The following PHKB variants were observed in gnomAD, a reference collection of about 807,000 sequenced individuals.
The protein encoded by PHKB is phosphorylase kinase regulatory subunit beta.
PHKB carries 122 observed loss-of-function variants against 152.1 expected under a neutral mutation model. The ratio of observed to expected loss-of-function variants is 0.80; its 90% CI spans 0.69 to 0.93. PHKB has a LOEUF of 0.93. Among genes scored for constraint, PHKB ranks in the 40% least tolerant of loss-of-function variants. PHKB has a pLI of 0.00. For missense variants in PHKB, 1,304 were observed against 1,328.4 expected (o/e 0.98, Z 0.29); for synonymous variants, 436 against 464.9 (o/e 0.94, Z 0.80).
intron 14 of PHKB, among the ~76,000 whole-genome samples, chr16:47,627,939 C>G (rs1490503939): frequency 5.9e-5 from 9 of 152,116 alleles, no homozygotes; most frequent in African/African-American, 2.2e-4. Context: ...AAGCATCTGC[C>G]TGATTTCTTC....
At chr16:47,665,545 A>G in intron 25 of PHKB, 1 of 287,478 alleles carries the variant, frequency 3.5e-6, no homozygotes, top group South Asian at 3.8e-5. Context: ...TAAAGTGGTT[A>G]TAGAAATAGG....
At chr16:47,678,887 G>A (rs918545551) in intron 26 of PHKB, among the ~76,000 whole-genome samples, 9 of 152,042 alleles carry the variant, frequency 5.9e-5, no homozygotes, top group African/African-American at 2.2e-4. Flanking sequence ...TTTCTTCTAG[G>A]GTTTTTATGG....
intron 6 of PHKB, among the ~76,000 whole-genome samples, chr16:47,527,003 G>A (rs539729924): frequency 1.3e-5 from 2 of 152,202 alleles, no homozygotes; most frequent in East Asian, 3.9e-4. Context: ...GAGGGAGTGG[G>A]GAGGGAGGTG....
chr16:47,577,046 G>A (rs1971761251), intron 7 of PHKB, among the ~76,000 whole-genome samples: 1 of 151,586 alleles, frequency 6.6e-6, no homozygotes, highest in Non-Finnish European at 1.5e-5. Context: ...TAACTTAGCT[G>A]ATGCCATTTT....
intron 1 of PHKB, among the ~76,000 whole-genome samples, chr16:47,471,860 CCTGG>C (rs1184773122): frequency 3.3e-5 from 5 of 151,906 alleles, no homozygotes; most frequent in Non-Finnish European, 5.9e-5. Flanking sequence ...TCGAGACCAC[CCTGG>C]CTAACGTGGT....
chr16:47,533,717 G>T (rs1322666607), intron 6 of PHKB, among the ~76,000 whole-genome samples: 2 of 152,192 alleles, frequency 1.3e-5, no homozygotes, highest in South Asian at 4.1e-4. Context: ...AAGCCTGCGA[G>T]GGCAGGGAGG....
intron 28 of PHKB, 74 bp from the exon 29 acceptor site, chr16:47,696,307 A>G: frequency 1.2e-6 from 1 of 813,016 alleles, no homozygotes; most frequent in East Asian, 2.5e-5. Flanking sequence ...AATGATTAGA[A>G]AATGAAATTC....
chr16:47,677,770 A>ATT (rs575931158), intron 26 of PHKB, among the ~76,000 whole-genome samples: 1 of 144,102 alleles, frequency 6.9e-6, no homozygotes. Flanking sequence ...AAATCATCTA[A>ATT]TTTTTTTTTT....
chr16:47,494,259 A>T (rs1321767028), intron 1 of PHKB, among the ~76,000 whole-genome samples: 1 of 152,246 alleles, frequency 6.6e-6, no homozygotes, highest in Non-Finnish European at 1.5e-5. Context: ...TCAAGCCTAA[A>T]TCTATGTGGA....
At chr16:47,504,150 G>T (rs1970371547) in intron 4 of PHKB, among the ~76,000 whole-genome samples, 1 of 152,246 alleles carries the variant, frequency 6.6e-6, no homozygotes, top group Admixed American at 6.5e-5. Flanking sequence ...GGGTCAAGGT[G>T]CATGGAACAC....
chr16:47,567,751 G>T (rs1364140795), intron 7 of PHKB, among the ~76,000 whole-genome samples: 1 of 152,168 alleles, frequency 6.6e-6, no homozygotes, highest in Non-Finnish European at 1.5e-5. Flanking sequence ...ATCATGAAGG[G>T]ATGCTGGATT....
intron 13 of PHKB, among the ~76,000 whole-genome samples, chr16:47,600,987 C>T (rs1464853716): frequency 2.6e-5 from 4 of 152,134 alleles, no homozygotes; most frequent in African/African-American, 7.2e-5. Flanking sequence ...TGTGCCGCCA[C>T]GCCTGGCTAA....
chr16:47,581,999 T>G (rs1348918106), intron 8 of PHKB, among the ~76,000 whole-genome samples: 1 of 152,138 alleles, frequency 6.6e-6, no homozygotes, highest in Non-Finnish European at 1.5e-5. Flanking sequence ...TGCTATTATT[T>G]ATGAAGTAAT....
intron 1 of PHKB, among the ~76,000 whole-genome samples, chr16:47,495,027 TATC>T (rs1970208513): frequency 6.6e-6 from 1 of 152,170 alleles, no homozygotes; most frequent in Non-Finnish European, 1.5e-5. Flanking sequence ...GTTCTTGACT[TATC>T]ATGGGCGTTC....
intron 27 of PHKB, among the ~76,000 whole-genome samples, chr16:47,692,877 G>T (rs1974086363): frequency 6.6e-6 from 1 of 151,966 alleles, no homozygotes; most frequent in Admixed American, 6.6e-5. Context: ...TTAAAATAAG[G>T]TAATTTTATT....
intron 1 of PHKB, among the ~76,000 whole-genome samples, chr16:47,484,329 T>G (rs900892945): frequency 3.3e-5 from 5 of 152,228 alleles, no homozygotes; most frequent in Non-Finnish European, 7.3e-5. Context: ...TGAAGTTATA[T>G]TATTTCATAT....
chr16:47,696,499 AG>A lies in PHKB; in HGVS notation c.3003+12del, dbSNP rs767601532. 1.2e-5 allele frequency: 17 copies of A among 1,407,472 alleles called. No individual in the cohort carries two copies. In the Admixed American group the frequency reaches 2.8e-4, roughly 24 times the overall value. 87.2% of individuals were successfully genotyped at this position (1,407,472 alleles called of 1,614,324 possible). ...CAGATCGTTGTAGAGGTGAGTAGTAAGAAATGAAGATTGCTGAATAAATGCC... is the reference window on the plus strand; with the variant it reads ...CAGATCGTTGTAGAGGTGAGTAGTAAAAATGAAGATTGCTGAATAAATGCC... On this transcript the variant is annotated intron_variant, in intron 29 of 30. Coordinates refer to ENST00000323584, the MANE Select transcript of PHKB (RefSeq NM_000293.3).
intron 13 of PHKB, among the ~76,000 whole-genome samples, chr16:47,596,911 A>T (rs1972130302): frequency 6.6e-6 from 1 of 152,194 alleles, no homozygotes; most frequent in African/African-American, 2.4e-5. Flanking sequence ...ACTTGCCAAA[A>T]TGTATTGGTC....
chr16:47,621,777 C>T (rs911714289), intron 14 of PHKB, among the ~76,000 whole-genome samples: 28 of 152,224 alleles, frequency 1.8e-4, no homozygotes, highest in African/African-American at 6.0e-4. Context: ...ATGCCACAGC[C>T]GCACAGAGTT....
Sources: gnomAD v4.1 joint callset for allele counts (sites outside exome capture counted in the v4.1 genomes callset) on GRCh38, gnomAD v4.1.1 for gene constraint, MANE v1.5 for transcripts, NCBI Gene and HGNC (gene_info 2026-07-23, HGNC 2026-07-21) for gene names.